Variants in LYPD6B observed in about 807,000 individuals in gnomAD.
LYPD6B encodes the protein ly6/PLAUR domain-containing protein 6B.
In LYPD6B, 17 loss-of-function variants were observed where a neutral mutation model predicts 22.8. The observed-to-expected ratio is 0.75, with a 90% CI of 0.51 to 1.12. The LOEUF is 1.12. Among genes scored for constraint, LYPD6B ranks in the 50% most tolerant of loss-of-function variants. LYPD6B has a pLI of 0.00. For synonymous variants in LYPD6B, 106 were observed against 91.6 expected, an observed-to-expected ratio of 1.16 and a Z score of -0.90; for missense variants, 221 against 258.3, an observed-to-expected ratio of 0.86 and a Z score of 0.99.
chr2:149,109,999 C>T (rs998630471), intron 1 of LYPD6B, among the ~76,000 whole-genome samples: 1 of 152,142 alleles, frequency 6.6e-6, no homozygotes. Context: ...GCATGAGCCA[C>T]CGTACCCGGC....
intron 2 of LYPD6B, among the ~76,000 whole-genome samples, chr2:149,154,964 G>A (rs1248300257): frequency 3.9e-5 from 6 of 152,128 alleles, no homozygotes; most frequent in African/African-American, 1.4e-4. Flanking sequence ...AGGGAAGTAA[G>A]GAATATTGAA....
At chr2:149,126,880 C>A (rs1382014194) in intron 1 of LYPD6B, among the ~76,000 whole-genome samples, 2 of 152,008 alleles carry the variant, frequency 1.3e-5, no homozygotes, top group African/African-American at 2.4e-5. Context: ...CTCTTAATAC[C>A]CTTTTAATAA....
chr2:149,159,531 G>A (rs1689912234), intron 2 of LYPD6B, among the ~76,000 whole-genome samples: 1 of 151,472 alleles, frequency 6.6e-6, no homozygotes, highest in Non-Finnish European at 1.5e-5. Context: ...AAATTAGATG[G>A]CATACTAGTA....
intron 3 of LYPD6B, among the ~76,000 whole-genome samples, chr2:149,181,981 C>T (rs931931418): frequency 6.6e-6 from 1 of 152,132 alleles, no homozygotes; most frequent in African/African-American, 2.4e-5. Context: ...TGGAATTCTG[C>T]CGTGTATCTG....
At chr2:149,190,048 G>A (rs901735792) in intron 3 of LYPD6B, among the ~76,000 whole-genome samples, 2 of 152,098 alleles carry the variant, frequency 1.3e-5, no homozygotes, top group African/African-American at 2.4e-5. Flanking sequence ...GTTATACTCT[G>A]AGAAGTCCCT....
In LYPD6B at chr2:149,091,474, ACT is replaced by A. The variant is rs1260415124; in HGVS notation, c.-66-39404_-66-39403del. Among the ~76,000 whole-genome samples the A allele has an allele frequency of 8.6e-5, 13 of 151,942 alleles. No individual in the cohort carries two copies. The South Asian group carries it at 1.2e-3, about 15-fold the overall frequency. On this transcript the variant is annotated intron_variant, in intron 1 of 6. Coordinates refer to ENST00000409642, the MANE Select transcript of LYPD6B (RefSeq NM_177964.5). ...TGCTCTGGAATACCACATTTATTTT[ACT>A]CTCTTAGTGTCAGGTCTTTGGTATT...
intron 1 of LYPD6B, among the ~76,000 whole-genome samples, chr2:149,100,416 C>CAAAAAA (rs58068035): frequency 2.0e-3 from 137 of 67,960 alleles, no homozygotes; most frequent in African/African-American, 5.6e-3. Flanking sequence ...TTGGCTTTGA[C>CAAAAAA]AAAAAAAAAA....
At chr2:149,184,494 T>C (rs773445659) in intron 3 of LYPD6B, among the ~76,000 whole-genome samples, 5 of 152,158 alleles carry the variant, frequency 3.3e-5, no homozygotes, top group Non-Finnish European at 7.3e-5. Flanking sequence ...TGTAGAAAGT[T>C]AAGTAGAAGC....
chr2:149,174,955 A>G (rs1691159340), intron 3 of LYPD6B, among the ~76,000 whole-genome samples: 1 of 147,592 alleles, frequency 6.8e-6, no homozygotes, highest in Non-Finnish European at 1.5e-5. Flanking sequence ...GTTGGAAATA[A>G]AAAAAAATTT....
chr2:149,165,120 T>G (rs920667110), intron 3 of LYPD6B, among the ~76,000 whole-genome samples: 15 of 152,198 alleles, frequency 9.9e-5, no homozygotes, highest in Non-Finnish European at 2.2e-4. Flanking sequence ...GACTCATTTC[T>G]GCCACATGGT....
intron 2 of LYPD6B, 128 bp downstream of exon 2, chr2:149,131,081 CA>C (rs1459596904): frequency 5.8e-6 from 4 of 693,976 alleles, no homozygotes; most frequent in Non-Finnish European, 1.0e-5. Context: ...TCATTAATCT[CA>C]GGGATTATGC....
chr2:149,210,066 C>T (rs1300772548), intron 5 of LYPD6B, among the ~76,000 whole-genome samples: 1 of 152,132 alleles, frequency 6.6e-6, no homozygotes, highest in Admixed American at 6.5e-5. Flanking sequence ...TAGTAAACTG[C>T]GGCACTGATG....
intron 1 of LYPD6B, among the ~76,000 whole-genome samples, chr2:149,059,118 C>A (rs16826421): frequency 6.6e-6 from 1 of 152,112 alleles, no homozygotes; most frequent in Admixed American, 6.5e-5. Flanking sequence ...CAGTAATAAC[C>A]ACCTGTCAGC....
chr2:149,097,080 C>T (rs553196834), intron 1 of LYPD6B, among the ~76,000 whole-genome samples: 34 of 152,318 alleles, frequency 2.2e-4, no homozygotes, highest in African/African-American at 6.5e-4. Context: ...ATGCATAAAA[C>T]GCCCTAGGAG....
chr2:149,084,795 C>T (rs969245861), intron 1 of LYPD6B, among the ~76,000 whole-genome samples: 1 of 152,160 alleles, frequency 6.6e-6, no homozygotes, highest in Non-Finnish European at 1.5e-5. Context: ...ATCTTTTCCC[C>T]TCTTAGTCCA....
chr2:149,084,349 C>T (rs1685288702), intron 1 of LYPD6B, among the ~76,000 whole-genome samples: 1 of 152,152 alleles, frequency 6.6e-6, no homozygotes, highest in South Asian at 2.1e-4. Flanking sequence ...CTCACTCATC[C>T]TTTTTCTGAG....
chr2:149,107,654 A>C (rs1312754669), intron 1 of LYPD6B, among the ~76,000 whole-genome samples: 1 of 152,170 alleles, frequency 6.6e-6, no homozygotes, highest in African/African-American at 2.4e-5. Flanking sequence ...GTGTTGCTTC[A>C]TTTCCAAATA....
At chr2:149,202,206 C>G (rs1379192942) in intron 3 of LYPD6B, among the ~76,000 whole-genome samples, 1 of 152,120 alleles carries the variant, frequency 6.6e-6, no homozygotes, top group African/African-American at 2.4e-5. Flanking sequence ...AGAGAAAAAG[C>G]ATTCTTGGCA....
At chr2:149,190,709 G>A (rs1041745386) in intron 3 of LYPD6B, among the ~76,000 whole-genome samples, 2 of 152,098 alleles carry the variant, frequency 1.3e-5, no homozygotes, top group African/African-American at 4.8e-5. Flanking sequence ...TCTATGAAAT[G>A]TGTATTAATT....
Sources: gnomAD v4.1 joint callset for allele counts (sites outside exome capture counted in the v4.1 genomes callset) on GRCh38, gnomAD v4.1.1 for gene constraint, MANE v1.5 for transcripts, NCBI Gene and HGNC (gene_info 2026-07-23, HGNC 2026-07-21) for gene names.